Variants in ADAM32 observed in about 807,000 individuals in gnomAD.
ADAM32 encodes the protein disintegrin and metalloproteinase domain-containing protein 32.
ADAM32 carries 89 observed loss-of-function variants against 114.9 expected under a neutral mutation model. The ratio of observed to expected loss-of-function variants is 0.77; its 90% CI spans 0.65 to 0.92. The LOEUF (loss-of-function observed/expected upper bound fraction) is 0.92, where lower values mean the gene tolerates loss of function less well. ADAM32 is among the 40% of genes least tolerant of loss of function. The probability of loss-of-function intolerance (pLI) is 0.00; values close to 1 mark genes in which losing one functional copy is unlikely to be tolerated. For missense variants in ADAM32, 870 were observed against 932.8 expected (o/e 0.93, Z 0.88); for synonymous variants, 285 against 307.5 (o/e 0.93, Z 0.77).
intron 14 of ADAM32, among the ~76,000 whole-genome samples, chr8:39,230,483 CT>C (rs1028319351): frequency 9.2e-5 from 14 of 152,172 alleles, no homozygotes; most frequent in Admixed American, 5.2e-4. Context: ...CAAACATATT[CT>C]TTACATTATC....
intron 16 of ADAM32, 53 bp from the exon 17 acceptor site, chr8:39,246,030 G>C (rs1343069147): frequency 7.4e-7 from 1 of 1,347,580 alleles, no homozygotes; most frequent in African/African-American, 1.4e-5. Context: ...GTAATGTTAT[G>C]ATGACTGTAC....
chr8:39,250,401 GT>G (rs1386695835), intron 17 of ADAM32, among the ~76,000 whole-genome samples: 2 of 151,474 alleles, frequency 1.3e-5, no homozygotes, highest in Non-Finnish European at 3.0e-5. Flanking sequence ...CTGTTGCAGT[GT>G]TTTTGATCTC....
intron 2 of ADAM32, chr8:39,130,956 CTTTT>C (rs71218310): frequency 1.9e-3 from 622 of 328,226 alleles, no homozygotes; most frequent in Middle Eastern, 4.5e-3. Flanking sequence ...AGGAGGATGT[CTTTT>C]TTTTTTTTTT....
At chr8:39,119,521 A>G (rs1431234490) in intron 2 of ADAM32, among the ~76,000 whole-genome samples, 1 of 152,170 alleles carries the variant, frequency 6.6e-6, no homozygotes, top group East Asian at 1.9e-4. Flanking sequence ...TTTCTGTGGA[A>G]TGTCTACTCA....
intron 22 of ADAM32, 88 bp downstream of exon 22, chr8:39,275,954 A>T (rs1813048913): frequency 7.9e-7 from 1 of 1,273,076 alleles, no homozygotes; most frequent in African/African-American, 1.5e-5. Flanking sequence ...ATTACTTGCT[A>T]ACTATTAACT....
chr8:39,113,093 C>T (rs371428267), intron 1 of ADAM32, among the ~76,000 whole-genome samples: 59 of 152,180 alleles, frequency 3.9e-4, no homozygotes, highest in African/African-American at 1.3e-3. Context: ...CCTCAAGAGG[C>T]TTTGCAGCTT....
intron 20 of ADAM32, among the ~76,000 whole-genome samples, chr8:39,273,017 A>G (rs748310024): frequency 2.5e-4 from 38 of 152,096 alleles, no homozygotes; most frequent in Non-Finnish European, 3.4e-4. Flanking sequence ...AAGACAGCCA[A>G]TATCACTGTC....
chr8:39,126,076 T>A (rs1273607651), intron 2 of ADAM32, among the ~76,000 whole-genome samples: 2 of 152,160 alleles, frequency 1.3e-5, no homozygotes, highest in East Asian at 1.9e-4. Flanking sequence ...CTTGTAGTAG[T>A]TTGAGGTCAT....
At chr8:39,159,841 A>T (rs1804380589) in intron 6 of ADAM32, among the ~76,000 whole-genome samples, 1 of 152,156 alleles carries the variant, frequency 6.6e-6, no homozygotes, top group Non-Finnish European at 1.5e-5. Flanking sequence ...GGAAAGCCAC[A>T]CCAGGAATAT....
At chr8:39,120,443 A>G (rs1460316462) in intron 2 of ADAM32, among the ~76,000 whole-genome samples, 1 of 152,192 alleles carries the variant, frequency 6.6e-6, no homozygotes, top group Non-Finnish European at 1.5e-5. Flanking sequence ...TGAACAGAAT[A>G]GAACTGGTAG....
At chr8:39,227,571 C>T (rs1403782283) in intron 14 of ADAM32, among the ~76,000 whole-genome samples, 3 of 152,260 alleles carry the variant, frequency 2.0e-5, no homozygotes, top group Non-Finnish European at 4.4e-5. Context: ...CCCCCACTTC[C>T]GTGACAACCT....
At chr8:39,246,244 T>G (rs1374404181) in intron 17 of ADAM32, 78 bp downstream of exon 17, 2 of 1,350,728 alleles carry the variant, frequency 1.5e-6, no homozygotes, top group African/African-American at 1.4e-5. Flanking sequence ...TGACATTTTT[T>G]GGGTCACTAC....
At chr8:39,123,651 T>G (rs899157259) in intron 2 of ADAM32, among the ~76,000 whole-genome samples, 1 of 152,118 alleles carries the variant, frequency 6.6e-6, no homozygotes, top group African/African-American at 2.4e-5. Context: ...GTATGATACT[T>G]TCATTTATTT....
At chr8:39,148,849 A>G (rs1186025858) in intron 4 of ADAM32, among the ~76,000 whole-genome samples, 1 of 152,144 alleles carries the variant, frequency 6.6e-6, no homozygotes, top group Non-Finnish European at 1.5e-5. Flanking sequence ...ATTGGAAATT[A>G]TATAATTTTC....
intron 14 of ADAM32, among the ~76,000 whole-genome samples, chr8:39,228,487 CAT>C (rs1478822998): frequency 2.0e-5 from 3 of 152,052 alleles, no homozygotes; most frequent in South Asian, 2.1e-4. Flanking sequence ...AAAGAAAAAA[CAT>C]AAAAAATTCT....
At chr8:39,252,532 G>A (rs1811371304) in intron 17 of ADAM32, among the ~76,000 whole-genome samples, 1 of 150,880 alleles carries the variant, frequency 6.6e-6, no homozygotes, top group Admixed American at 6.6e-5. Flanking sequence ...CAAGAAACTA[G>A]AAAAAAATTG....
chr8:39,232,403 C>T (rs1809801320), intron 15 of ADAM32, among the ~76,000 whole-genome samples: 1 of 152,110 alleles, frequency 6.6e-6, no homozygotes, highest in Non-Finnish European at 1.5e-5. Context: ...ACCTTTCCCG[C>T]TCATTTTTCC....
At chr8:39,225,586 G>T (rs1181349958) in intron 14 of ADAM32, among the ~76,000 whole-genome samples, 1 of 152,274 alleles carries the variant, frequency 6.6e-6, no homozygotes, top group Non-Finnish European at 1.5e-5. Flanking sequence ...GAGGGCCCCA[G>T]GATCTTTCAC....
intron 10 of ADAM32, among the ~76,000 whole-genome samples, chr8:39,176,560 A>T (rs1805543064): frequency 6.6e-6 from 1 of 152,144 alleles, no homozygotes; most frequent in Admixed American, 6.5e-5. Context: ...ACTGTTTGTT[A>T]TGATTACAGT....
Sources: allele counts gnomAD v4.1 joint callset (sites outside exome capture counted in the v4.1 genomes callset), GRCh38; gene constraint gnomAD v4.1.1; transcripts MANE v1.5; gene names NCBI Gene and HGNC (gene_info 2026-07-23, HGNC 2026-07-21).